The following EYS variants were observed in gnomAD, a reference collection of about 807,000 sequenced individuals.
The protein encoded by EYS is protein eyes shut homolog.
A neutral mutation model predicts 282.1 loss-of-function variants in EYS; 250 were observed. The observed-to-expected ratio is 0.89, with a 90% CI of 0.80 to 0.98. The LOEUF (loss-of-function observed/expected upper bound fraction) is 0.98, where lower values mean the gene tolerates loss of function less well. Among genes scored for constraint, EYS ranks in the 50% least tolerant of loss-of-function variants. The pLI, the probability that EYS is intolerant of heterozygous loss-of-function variation, is 0.00. For synonymous variants in EYS, 1,355 were observed against 1,282.9 expected (o/e 1.06, Z -1.20); for missense variants, 4,016 against 3,709.0 (o/e 1.08, Z -2.15).
At chr6:64,786,371 C>T (rs1315546229) in intron 22 of EYS, among the ~76,000 whole-genome samples, 2 of 152,094 alleles carry the variant, frequency 1.3e-5, no homozygotes, top group East Asian at 1.9e-4. Flanking sequence ...TTGGAAGAGG[C>T]AGTGTCTGAT....
At chr6:64,772,585 C>G (rs1365521197) in intron 22 of EYS, among the ~76,000 whole-genome samples, 1 of 151,678 alleles carries the variant, frequency 6.6e-6, no homozygotes. Flanking sequence ...GTTGTGCTAT[C>G]AAATACTAGA....
At chr6:64,548,674 G>A (rs1764962088) in intron 26 of EYS, among the ~76,000 whole-genome samples, 1 of 151,960 alleles carries the variant, frequency 6.6e-6, no homozygotes, top group Admixed American at 6.6e-5. Flanking sequence ...ACTGGGGCCT[G>A]TTGTGGGGTG....
In EYS at chr6:63,937,377, T is replaced by C. The variant is rs1168476685; in HGVS notation, c.7055+47006A>G. Among the ~76,000 whole-genome samples the C allele has an allele frequency of 8.5e-4, 61 of 71,560 alleles. 2 individuals are homozygous for C. Among genetic ancestry groups the C allele is most frequent in the African/African-American group, 3.3e-3 (53 of 15,934 alleles). 46.9% of individuals were successfully genotyped at this position (71,560 alleles called of 152,430 possible). On this transcript the variant is annotated intron_variant, in intron 35 of 42. Transcript: ENST00000503581. ...TTTTTTTTTTTTTTTTTTTTTTTTT[T>C]TTTTTTTTTTTTTTTTTTTTTGAGA...
At chr6:63,899,335 A>C (rs1410920862) in intron 35 of EYS, among the ~76,000 whole-genome samples, 1 of 152,110 alleles carries the variant, frequency 6.6e-6, no homozygotes, top group Non-Finnish European at 1.5e-5. Flanking sequence ...GATATCCCCA[A>C]CTAGATCCTC....
chr6:64,994,441 A>G (rs1338652855), intron 14 of EYS, among the ~76,000 whole-genome samples: 1 of 152,160 alleles, frequency 6.6e-6, no homozygotes, highest in Non-Finnish European at 1.5e-5. Flanking sequence ...TGCAAGCCAC[A>G]TGTCAGTGGG....
intron 22 of EYS, among the ~76,000 whole-genome samples, chr6:64,803,804 G>C (rs1424437133): frequency 2.6e-5 from 4 of 152,244 alleles, no homozygotes; most frequent in African/African-American, 9.6e-5. Flanking sequence ...CCTGGGCTTG[G>C]CCTCAACCTT....
At chr6:64,641,203 A>G (rs1051441365) in intron 22 of EYS, among the ~76,000 whole-genome samples, 1 of 152,186 alleles carries the variant, frequency 6.6e-6, no homozygotes, top group Non-Finnish European at 1.5e-5. Flanking sequence ...GAAGGCAAGG[A>G]GGAGCAAGTC....
chr6:64,331,775 C>A (rs1037643015), intron 29 of EYS, among the ~76,000 whole-genome samples: 13 of 152,160 alleles, frequency 8.5e-5, no homozygotes, highest in African/African-American at 1.2e-4. Context: ...ACATGGCCCC[C>A]AGGGATTCAA....
chr6:64,664,710 C>T (rs984410691), intron 22 of EYS, among the ~76,000 whole-genome samples: 7 of 152,064 alleles, frequency 4.6e-5, no homozygotes, highest in Admixed American at 4.6e-4. Flanking sequence ...CCAGAGGGAG[C>T]TCATTTGACC....
chr6:65,545,519 A>G (rs1331209), intron 2 of EYS, among the ~76,000 whole-genome samples: 113,425 of 152,026 alleles, frequency 0.75, 43,104 homozygotes, highest in African/African-American at 0.89. Context: ...ATAAATGTCA[A>G]TGAAGAAAGT....
chr6:65,353,601 C>A lies in EYS; in HGVS notation c.1316G>T (p.Gly439Val), dbSNP rs1183176426. 20 of 1,612,616 alleles carry A rather than the reference C, an allele frequency of 1.2e-5. No homozygotes were observed. The highest frequency in any genetic ancestry group is 1.4e-5 in the Non-Finnish European group (17 of 1,179,086). The change falls in exon 9 of 43, where the codon GGG becomes GTG. Residue 439 changes from glycine to valine, a missense_variant. Coordinates refer to ENST00000503581, the MANE Select transcript of EYS (RefSeq NM_001142800.2). ...AAACCAACATGGATTTTTTGTGCACCCTGGAATGCATACATACTGCAAAAA... is the reference window on the plus strand; with the variant it reads ...AAACCAACATGGATTTTTTGTGCACACTGGAATGCATACATACTGCAAAAA... ...IGRFKYVCIP[G>V]CTKNPCWFLK... is the part of the protein sequence containing the mutation.
At chr6:64,228,333 TACTATACTGAA>T (rs1766311862) in intron 31 of EYS, among the ~76,000 whole-genome samples, 1 of 152,224 alleles carries the variant, frequency 6.6e-6, no homozygotes, top group Non-Finnish European at 1.5e-5. Flanking sequence ...GCACTCTATG[TACTATACTGAA>T]ACATTTTCCA....
At chr6:64,725,767 T>C (rs891784729) in intron 22 of EYS, among the ~76,000 whole-genome samples, 1 of 152,092 alleles carries the variant, frequency 6.6e-6, no homozygotes, top group African/African-American at 2.4e-5. Context: ...CCATGTCTTA[T>C]TGATTTCACC....
intron 35 of EYS, among the ~76,000 whole-genome samples, chr6:63,890,252 C>G (rs940640041): frequency 1.3e-5 from 2 of 152,114 alleles, no homozygotes; most frequent in African/African-American, 4.8e-5. Flanking sequence ...GCGGACCTAA[C>G]AGATATCTAC....
chr6:63,822,877 T>C (rs1272682318), intron 36 of EYS, among the ~76,000 whole-genome samples: 3 of 152,218 alleles, frequency 2.0e-5, no homozygotes, highest in Non-Finnish European at 2.9e-5. Context: ...GTGCTTTTGG[T>C]TTCAAACTAG....
chr6:64,480,954 T>G (rs1220199196), intron 26 of EYS, among the ~76,000 whole-genome samples: 1 of 151,706 alleles, frequency 6.6e-6, no homozygotes, highest in Non-Finnish European at 1.5e-5. Context: ...AGGTATTGAT[T>G]CAAATTAAAG....
At position 65,369,328 on chromosome 6, in the gene EYS, A is replaced by T. The variant is rs13197367; in HGVS notation, c.1299+15058T>A. Among the ~76,000 whole-genome samples, 874 of 134,376 alleles carry T rather than the reference A, an allele frequency of 6.5e-3. 9 individuals carry two copies. The highest frequency in any genetic ancestry group is 0.019 in the African/African-American group (702 of 37,280). The allele number at this position is 134,376 out of a possible 152,430, so 88.2% of individuals were successfully genotyped here. On this transcript the variant is annotated intron_variant, in intron 8 of 42. Transcript: ENST00000503581. The stretch of plus-strand genomic sequence containing the variant: ...TATAATATATATATTATATATATAT[A>T]TTTATATATATATATATCTCATTCT...
At chr6:64,250,228 G>T (rs574104939) in intron 30 of EYS, among the ~76,000 whole-genome samples, 24 of 152,218 alleles carry the variant, frequency 1.6e-4, no homozygotes, top group African/African-American at 5.8e-4. Context: ...GGAAACTTGA[G>T]CACATGAACT....
chr6:64,194,404 C>T lies in EYS; in HGVS notation c.6424+36188G>A, dbSNP rs1765216443. On this transcript the variant is annotated intron_variant, in intron 31 of 42. Coordinates refer to ENST00000503581, the MANE Select transcript of EYS (RefSeq NM_001142800.2). ...TAAACATTCAAGGGTGTAAGTTTTC[C>T]TGTAGTTACTATTAATAATTTATTT... 2.0e-5 allele frequency among the ~76,000 whole-genome samples: 3 copies of T among 151,920 alleles called. 1 individual carries two copies. Among genetic ancestry groups the T allele is most frequent in the South Asian group, 4.2e-4 (2 of 4,814 alleles).
Sources: gnomAD v4.1 joint callset for allele counts (sites outside exome capture counted in the v4.1 genomes callset) on GRCh38, gnomAD v4.1.1 for gene constraint, MANE v1.5 for transcripts, NCBI Gene and HGNC (gene_info 2026-07-23, HGNC 2026-07-21) for gene names.